HCN4: variants seen among roughly 807,000 people sequenced by gnomAD.
The protein encoded by HCN4 is hyperpolarization activated cyclic nucleotide gated potassium channel 4.
In HCN4, 29 loss-of-function variants were observed where a neutral mutation model predicts 76.9. The observed-to-expected ratio is 0.38, with a 90% CI of 0.28 to 0.51. The LOEUF is 0.51. HCN4 is among the 20% of genes least tolerant of loss of function. The pLI, the probability that HCN4 is intolerant of heterozygous loss-of-function variation, is 0.90. For synonymous variants in HCN4, 772 were observed against 762.5 expected (o/e 1.01, Z -0.21); for missense variants, 1,416 against 1,715.2 (o/e 0.83, Z 3.08).
chr15:73,329,168 C>A (rs968763450), intron 4 of HCN4, among the ~76,000 whole-genome samples: 7 of 152,136 alleles, frequency 4.6e-5, no homozygotes, highest in Non-Finnish European at 1.0e-4. Flanking sequence ...GGAAGAGAAG[C>A]CAGCAAATGG....
intron 1 of HCN4, among the ~76,000 whole-genome samples, chr15:73,356,374 C>CTTTTTTTTTTTTTTTTT (rs71137342): frequency 8.5e-6 from 1 of 118,180 alleles, no homozygotes; most frequent in African/African-American, 3.2e-5. Flanking sequence ...CTTTTCTTTT[C>CTTTTTTTTTTTTTTTTT]TTTTTTTTTT....
chr15:73,339,953 G>C (rs1235864979), intron 2 of HCN4, among the ~76,000 whole-genome samples: 1 of 152,228 alleles, frequency 6.6e-6, no homozygotes, highest in East Asian at 1.9e-4. Context: ...CAGCTGGTAG[G>C]AGAGATAAAG....
chr15:73,349,375 T>C (rs2043042602), intron 1 of HCN4, among the ~76,000 whole-genome samples: 1 of 152,094 alleles, frequency 6.6e-6, no homozygotes, highest in African/African-American at 2.4e-5. Context: ...ATGAGGTAGA[T>C]ACTATGATTA....
chr15:73,345,868 A>T (rs1008252275), intron 1 of HCN4, among the ~76,000 whole-genome samples: 12 of 152,156 alleles, frequency 7.9e-5, no homozygotes, highest in African/African-American at 2.9e-4. Context: ...AAATTAACAG[A>T]GCGGGTGCAA....
chr15:73,326,832 A>G (rs928740209), intron 4 of HCN4, among the ~76,000 whole-genome samples: 2 of 148,604 alleles, frequency 1.3e-5, no homozygotes, highest in African/African-American at 4.9e-5. Flanking sequence ...TGTTGCCTAG[A>G]CTGGAGTGCA....
rs527582200 is a variant in HCN4 at position 73,367,003 on chromosome 15, G to A, written c.785+483C>T. 5.3e-5 allele frequency among the ~76,000 whole-genome samples: 8 copies of A among 152,270 alleles called. No homozygotes were observed. In the East Asian group the frequency reaches 1.4e-3, roughly 26 times the overall value. ...ACTTCGGTCCTCCAGGGACCCGGCC[G>A]CAGCTTCCCAGGGCACCAGAAAGCA... On this transcript the variant is annotated intron_variant, in intron 1 of 7. Transcript: ENST00000261917. This position sits in a 1 kb window ranked among gnomAD's most constrained non-coding sequence, Gnocchi z 7.5.
At chr15:73,365,995 G>A (rs964426293) in intron 1 of HCN4, among the ~76,000 whole-genome samples, 10 of 152,126 alleles carry the variant, frequency 6.6e-5, no homozygotes, top group Admixed American at 2.0e-4. Context: ...CTGGCCAGAG[G>A]CAAGCCCACT....
intron 1 of HCN4, among the ~76,000 whole-genome samples, chr15:73,352,087 T>C (rs766901547): frequency 6.6e-6 from 1 of 152,242 alleles, no homozygotes; most frequent in African/African-American, 2.4e-5. Flanking sequence ...CTTATCATGT[T>C]ATAAGAAACT....
At chr15:73,324,676 AG>A (rs2042887873) in intron 6 of HCN4, among the ~76,000 whole-genome samples, 1 of 152,140 alleles carries the variant, frequency 6.6e-6, no homozygotes, top group South Asian at 2.1e-4. Context: ...AGCCCAGAAG[AG>A]GGCCCTCACC....
chr15:73,329,331 T>A (rs904647912), intron 4 of HCN4, among the ~76,000 whole-genome samples: 4 of 152,052 alleles, frequency 2.6e-5, no homozygotes, highest in Non-Finnish European at 4.4e-5. Flanking sequence ...CAGGCCCCAG[T>A]GACACTGGAG....
chr15:73,344,563 A>G (rs1421722732), intron 1 of HCN4, among the ~76,000 whole-genome samples: 1 of 152,152 alleles, frequency 6.6e-6, no homozygotes, highest in Non-Finnish European at 1.5e-5. Context: ...GCTTCAAAAC[A>G]AGAATAATTA....
In HCN4 at chr15:73,325,004, G is replaced by A. The variant is rs769131953; in HGVS notation, c.1929C>T (p.Leu643=). ...GCTTGGTCTCCTTGTTGCCCTTGGT[G>A]AGCACGCTGACCACGCCATGCTGGA... ...YFIQHGVVSV[L]TKGNKETKLA... The change falls in exon 6 of 8, where the codon CTC becomes CTT. Residue 643 remains leucine (L), a synonymous_variant. Transcript: ENST00000261917. This position sits in a 1 kb window ranked among gnomAD's most constrained non-coding sequence, Gnocchi z 7.4. The A allele has an allele frequency of 1.1e-5, 17 of 1,614,184 alleles. No individual in the cohort carries two copies. Among genetic ancestry groups the A allele is most frequent in the Admixed American group, 3.3e-5 (2 of 60,028 alleles).
intron 1 of HCN4, among the ~76,000 whole-genome samples, chr15:73,351,498 A>G (rs1006861633): frequency 1.3e-5 from 2 of 152,106 alleles, no homozygotes; most frequent in Non-Finnish European, 2.9e-5. Flanking sequence ...CAGGCATCCA[A>G]AAGTATATCC....
At chr15:73,362,099 C>T (rs2043107430) in intron 1 of HCN4, among the ~76,000 whole-genome samples, 1 of 152,178 alleles carries the variant, frequency 6.6e-6, no homozygotes, top group African/African-American at 2.4e-5. Flanking sequence ...CTGTTCACAC[C>T]CATCCCAAAA....
chr15:73,363,954 A>G (rs1428130763), intron 1 of HCN4, among the ~76,000 whole-genome samples: 1 of 152,150 alleles, frequency 6.6e-6, no homozygotes, highest in Non-Finnish European at 1.5e-5. Flanking sequence ...GGAGGTGAGT[A>G]ATGGCAGTGA....
chr15:73,325,434 A>G lies in HCN4; in HGVS notation c.1601T>C (p.Val534Ala), dbSNP rs1355950041. The part of the protein sequence containing the change: ...RRQYQEKYKQ[V>A]EQYMSFHKLP... ...CTTGTGAAAGGACATGTACTGCTCC[A>G]CCTGCTTGTACTGAGGCCGGGAGAA... Residue 534 changes from valine (V) to alanine (A), a missense_variant, in exon 5 of 8, where the codon GTG (valine) becomes GCG (alanine). Val to Ala is a moderately conservative substitution (Grantham distance 64). Coordinates refer to ENST00000261917, the MANE Select transcript of HCN4 (RefSeq NM_005477.3). The surrounding 1 kb of genome is among the most constrained non-coding windows in gnomAD (Gnocchi z 7.4). 6.2e-7 allele frequency: 1 copy of G among 1,613,876 alleles called. No homozygotes were observed. Among genetic ancestry groups the G allele is most frequent in the African/African-American group, 1.3e-5 (1 of 74,884 alleles).
intron 2 of HCN4, among the ~76,000 whole-genome samples, chr15:73,336,759 A>G (rs1457268391): frequency 6.6e-6 from 1 of 152,058 alleles, no homozygotes; most frequent in African/African-American, 2.4e-5. Context: ...CCGCAAGATG[A>G]CAGCCCCAAC....
rs1010756575 is a variant in HCN4, at chr15:73,329,126, C to T, written c.1590+447G>A. ...CAGAGGGAGGGTCAGGGGCGAGGCCCGGGCCACTGGGGACTCCAGTGGCAG... is the reference window on the plus strand; with the variant it reads ...CAGAGGGAGGGTCAGGGGCGAGGCCTGGGCCACTGGGGACTCCAGTGGCAG... On this transcript the variant is annotated intron_variant, in intron 4 of 7. Transcript: ENST00000261917. Among the ~76,000 whole-genome samples the T allele has an allele frequency of 7.2e-5, 11 of 152,112 alleles. No individual in the cohort carries two copies. In the East Asian group the frequency reaches 9.7e-4, roughly 13 times the overall value.
intron 1 of HCN4, among the ~76,000 whole-genome samples, chr15:73,365,887 GAGAC>G (rs1239558061): frequency 5.9e-5 from 9 of 152,208 alleles, no homozygotes; most frequent in Admixed American, 5.9e-4. Flanking sequence ...GAAGAGTTGA[GAGAC>G]AGGAGGAAAA....
Sources: gnomAD v4.1 joint callset for allele counts (sites outside exome capture counted in the v4.1 genomes callset) on GRCh38, gnomAD v4.1.1 for gene constraint, Gnocchi (gnomAD v3.1) non-coding constraint, MANE v1.5 for transcripts, NCBI Gene and HGNC (gene_info 2026-07-23, HGNC 2026-07-21) for gene names.